Variants in CUL2 observed in about 807,000 individuals in gnomAD.
CUL2 encodes the protein cullin-2.
Under a neutral mutation model 110.2 loss-of-function variants are expected in CUL2, and 22 were observed. The observed-to-expected ratio is 0.20, with a 90% CI of 0.14 to 0.28. The LOEUF is 0.28. CUL2 is among the 10% of genes least tolerant of loss of function. CUL2 has a pLI of 1.00. For missense variants in CUL2, 631 were observed against 905.5 expected (o/e 0.70, Z 3.89); for synonymous variants, 279 against 293.2 (o/e 0.95, Z 0.49).
intron 1 of CUL2, among the ~76,000 whole-genome samples, chr10:35,085,394 C>T (rs558946562): frequency 9.9e-5 from 15 of 151,294 alleles, no homozygotes; most frequent in African/African-American, 3.6e-4. Flanking sequence ...CGCGCCACTG[C>T]GCTCCAGCCT....
intron 9 of CUL2, among the ~76,000 whole-genome samples, chr10:35,035,656 C>T (rs2085603076): frequency 6.6e-6 from 1 of 152,186 alleles, no homozygotes; most frequent in African/African-American, 2.4e-5. Flanking sequence ...TACAGCTGCA[C>T]AGTACTCCAT....
chr10:35,078,868 A>G (rs901083163), intron 1 of CUL2, among the ~76,000 whole-genome samples: 13 of 152,218 alleles, frequency 8.5e-5, no homozygotes, highest in African/African-American at 2.9e-4. Context: ...TTTGGCATCC[A>G]AAAATTATCA....
At chr10:35,107,835 T>G (rs1245972299) in intron 1 of CUL2, among the ~76,000 whole-genome samples, 1 of 124,848 alleles carries the variant, frequency 8.0e-6, no homozygotes, top group African/African-American at 3.2e-5. Flanking sequence ...TGAGCCTAGA[T>G]CGCGCCACTG....
At chr10:35,024,561 A>C (rs1300812610) in intron 17 of CUL2, among the ~76,000 whole-genome samples, 2 of 152,234 alleles carry the variant, frequency 1.3e-5, no homozygotes, top group African/African-American at 2.4e-5. Flanking sequence ...AACTCCACAC[A>C]CAGTCCACAA....
chr10:35,054,413 G>A lies in CUL2; in HGVS notation c.423+21C>T. On this transcript the variant is annotated intron_variant, in intron 5 of 20. Transcript: ENST00000374749. ...TATAAAAACATACTTATGTTTGCTA[G>A]TCACTTAAAGAATGTCCTACCTCTC... 2 of 1,277,060 alleles carry A rather than the reference G, an allele frequency of 1.6e-6. 1 individual carries two copies. The highest frequency in any genetic ancestry group is 3.7e-4 in the Middle Eastern group (2 of 5,378). 79.1% of individuals were successfully genotyped at this position (1,277,060 alleles called of 1,614,324 possible).
chr10:35,029,066 T>C (rs1282157224), intron 15 of CUL2, among the ~76,000 whole-genome samples, 179 bp from the exon 16 acceptor site: 1 of 151,508 alleles, frequency 6.6e-6, no homozygotes, highest in Non-Finnish European at 1.5e-5. Context: ...TTTTTTTGTT[T>C]TTTTTTTTTG....
intron 2 of CUL2, chr10:35,063,765 T>C (rs1024293993): frequency 6.6e-6 from 1 of 151,780 alleles, no homozygotes; most frequent in Non-Finnish European, 1.5e-5. Flanking sequence ...TTTTTTTTTT[T>C]TTAATATCCT....
intron 17 of CUL2, among the ~76,000 whole-genome samples, chr10:35,024,884 G>C (rs2085296826): frequency 1.3e-5 from 2 of 152,100 alleles, no homozygotes; most frequent in Non-Finnish European, 2.9e-5. Context: ...TGGTTGGCTA[G>C]AGAAATGTAA....
At chr10:35,103,324 T>TA (rs1164204248) in intron 1 of CUL2, among the ~76,000 whole-genome samples, 314 of 118,590 alleles carry the variant, frequency 2.6e-3, no homozygotes, top group Middle Eastern at 7.9e-3. Flanking sequence ...TTTTTTTTTT[T>TA]TTTTTTTTAT....
chr10:35,113,498 C>CAAAA (rs59518617), intron 1 of CUL2, among the ~76,000 whole-genome samples: 336 of 33,328 alleles, frequency 0.01, 43 homozygotes, highest in Non-Finnish European at 0.012. Flanking sequence ...GACTCTGCCT[C>CAAAA]AAAAAAAAAA....
At chr10:35,047,674 T>A (rs1290236672) in intron 6 of CUL2, among the ~76,000 whole-genome samples, 2 of 150,482 alleles carry the variant, frequency 1.3e-5, no homozygotes, top group African/African-American at 4.9e-5. Context: ...TCCCCACACT[T>A]TTGGAGGCCG....
At chr10:35,080,840 C>T (rs778829729) in intron 1 of CUL2, among the ~76,000 whole-genome samples, 3 of 152,116 alleles carry the variant, frequency 2.0e-5, no homozygotes, top group Admixed American at 6.6e-5. Flanking sequence ...AAAATGTATA[C>T]TGCAGGAAAA....
At chr10:35,063,116 T>C (rs1405204625) in intron 2 of CUL2, 54 bp from the exon 3 acceptor site, 2 of 1,033,210 alleles carry the variant, frequency 1.9e-6, no homozygotes, top group African/African-American at 1.6e-5. Flanking sequence ...TAAAACATAA[T>C]GAGATTTACC....
chr10:35,071,825 G>A (rs1049063965), intron 1 of CUL2, among the ~76,000 whole-genome samples: 2 of 152,168 alleles, frequency 1.3e-5, no homozygotes, highest in African/African-American at 4.8e-5. Flanking sequence ...ATCCAGACAA[G>A]AAATTTCACA....
In CUL2 at chr10:35,025,164, CT is replaced by C; in HGVS notation, c.1651del (p.Arg551GlyfsTer16). On this transcript the variant is annotated frameshift_variant, in exon 17 of 21. Coordinates refer to ENST00000374749, the MANE Select transcript of CUL2 (RefSeq NM_003591.4). LOFTEE classifies it high-confidence loss of function. ...CAGATAATGTAACCATGTAAGTTTC[CT>C]TCCACTGAAATGTTGGCTATAAAAT... Reference protein sequence around the residue: ...ELFYSQHFSGRKLTWLHYLCT... With the variant: ...ELFYSQHFSGXKLTWLHYLCT... 6.4e-7 allele frequency: 1 copy of C among 1,573,898 alleles called. No homozygotes were observed.
chr10:35,119,262 G>A (rs1025029394), intron 1 of CUL2, among the ~76,000 whole-genome samples: 33 of 152,170 alleles, frequency 2.2e-4, no homozygotes, highest in African/African-American at 8.0e-4. Flanking sequence ...CAGCTTCAAA[G>A]TACCTGTTTT....
At chr10:35,065,752 G>C (rs972679777) in intron 2 of CUL2, among the ~76,000 whole-genome samples, 1 of 151,068 alleles carries the variant, frequency 6.6e-6, no homozygotes, top group Non-Finnish European at 1.5e-5. Context: ...CCAGCTACTC[G>C]GGAGGCTGAG....
chr10:35,028,712 T>C (rs945002162), intron 16 of CUL2, 98 bp downstream of exon 16: 3 of 711,350 alleles, frequency 4.2e-6, no homozygotes, highest in Admixed American at 2.8e-5. Context: ...TTTTATCACA[T>C]GAACCCTTAA....
At chr10:35,106,470 C>T (rs1041593134) in intron 1 of CUL2, among the ~76,000 whole-genome samples, 2 of 151,650 alleles carry the variant, frequency 1.3e-5, no homozygotes, top group African/African-American at 4.8e-5. Context: ...GAGGCGCCGG[C>T]CACCACGCCC....
Sources: gnomAD v4.1 joint callset for allele counts (sites outside exome capture counted in the v4.1 genomes callset) on GRCh38, gnomAD v4.1.1 for gene constraint, MANE v1.5 for transcripts, NCBI Gene and HGNC (gene_info 2026-07-23, HGNC 2026-07-21) for gene names.